The following SNX13 variants were observed in gnomAD, a reference collection of about 807,000 sequenced individuals.
SNX13 encodes the protein sorting nexin-13.
Under a neutral mutation model 133.6 loss-of-function variants are expected in SNX13, and 45 were observed. That is an observed-to-expected ratio of 0.34 (90% CI 0.27 to 0.43). The LOEUF is 0.43. Ranked by LOEUF, SNX13 falls within the 20% of genes least tolerant of loss-of-function variation. SNX13 has a pLI of 1.00. For synonymous variants in SNX13, 414 were observed against 373.9 expected, an observed-to-expected ratio of 1.11 and a Z score of -1.24; for missense variants, 1,032 against 1,145.1, an observed-to-expected ratio of 0.90 and a Z score of 1.43.
intron 2 of SNX13, among the ~76,000 whole-genome samples, chr7:17,897,094 A>C (rs1211465495): frequency 6.6e-6 from 1 of 152,128 alleles, no homozygotes; most frequent in African/African-American, 2.4e-5. Flanking sequence ...TATCACCAAA[A>C]AAAGTTCATA....
In SNX13 at chr7:17,821,650, TGCCACA is replaced by T. The variant is rs1787293489; in HGVS notation, c.1706-8_1706-3del. The T allele has an allele frequency of 6.2e-7, 1 of 1,613,024 alleles. No individual in the cohort carries two copies. Among genetic ancestry groups the T allele is most frequent in the Admixed American group, 1.7e-5 (1 of 59,948 alleles). On this transcript the variant is annotated splice_polypyrimidine_tract_variant and splice_region_variant and intron_variant, in intron 17 of 25. Coordinates refer to ENST00000428135, the MANE Select transcript of SNX13 (RefSeq NM_015132.5). The stretch of plus-strand genomic sequence containing the variant: ...TCTTGCCATGATCATTACAAACGCC[TGCCACA>T]GCATATGGGTCATAGTCAGCATATA...
intron 1 of SNX13, among the ~76,000 whole-genome samples, chr7:17,918,653 T>C (rs979408330): frequency 6.6e-6 from 1 of 152,158 alleles, no homozygotes; most frequent in Admixed American, 6.5e-5. Flanking sequence ...TAATACACTG[T>C]TGGAAGTATA....
At position 17,882,888 on chromosome 7, in the gene SNX13, T is replaced by G. The variant is rs576290952; in HGVS notation, c.441-7098A>C. 156 of 1,267,574 alleles carry G rather than the reference T, an allele frequency of 1.2e-4. 1 individual carries two copies. In the African/African-American group the frequency reaches 2.3e-3, roughly 19 times the overall value. 78.5% of individuals were successfully genotyped at this position (1,267,574 alleles called of 1,614,324 possible). On this transcript the variant is annotated intron_variant, in intron 5 of 25. Coordinates refer to ENST00000428135, the MANE Select transcript of SNX13 (RefSeq NM_015132.5). ...AAAACAGGGTTCCAGGAAGCGGAGG[T>G]TGCAGTGAGCCGAGATTGCGCCATT...
intron 11 of SNX13, among the ~76,000 whole-genome samples, chr7:17,847,031 C>T (rs550280937): frequency 6.6e-6 from 1 of 152,168 alleles, no homozygotes; most frequent in East Asian, 1.9e-4. Context: ...GGCTTGCAAA[C>T]AAAATATCTA....
chr7:17,839,451 G>A (rs1378169111), intron 13 of SNX13, among the ~76,000 whole-genome samples: 2 of 151,686 alleles, frequency 1.3e-5, no homozygotes, highest in East Asian at 3.9e-4. Context: ...ATGTACATAT[G>A]TTTAATACAT....
chr7:17,827,035 C>G (rs1787986213), intron 16 of SNX13, among the ~76,000 whole-genome samples: 1 of 152,066 alleles, frequency 6.6e-6, no homozygotes, highest in South Asian at 2.1e-4. Context: ...TGCTGAACAC[C>G]TACTTTCCTT....
intron 12 of SNX13, among the ~76,000 whole-genome samples, chr7:17,842,979 CA>C: frequency 6.6e-6 from 1 of 151,624 alleles, no homozygotes; most frequent in Middle Eastern, 3.4e-3. Context: ...CATGTCACTA[CA>C]AAAAAATCAA....
At chr7:17,899,978 T>C (rs1320018053) in intron 1 of SNX13, 2 of 152,218 alleles carry the variant, frequency 1.3e-5, no homozygotes, top group Non-Finnish European at 2.9e-5. Context: ...CAAAGGAACT[T>C]GGGTGTTGTG....
At chr7:17,821,710 A>G in intron 17 of SNX13, 62 bp from the exon 18 acceptor site, 1 of 1,523,902 alleles carries the variant, frequency 6.6e-7, no homozygotes, top group Non-Finnish European at 8.9e-7. Context: ...ATGAAGAGGA[A>G]CGAAAGACAC....
At position 17,821,642 on chromosome 7, in the gene SNX13, C is replaced by T; in HGVS notation, c.1712G>A (p.Cys571Tyr). 6.2e-7 allele frequency: 1 copy of T among 1,613,206 alleles called. No homozygotes were observed. The highest frequency in any genetic ancestry group is 8.5e-7 in the Non-Finnish European group (1 of 1,179,440). Reference sequence around the variant, plus strand: ...TGCATATGTCTTGCCATGATCATTACAAACGCCTGCCACAGCATATGGGTC... The same window carrying T: ...TGCATATGTCTTGCCATGATCATTATAAACGCCTGCCACAGCATATGGGTC... ...LHAYISDTGV[C>Y]NDHGKTYALY... Residue 571 changes from cysteine (C) to tyrosine (Y), a missense_variant, in exon 18 of 26, where the codon TGT becomes TAT. By Grantham distance (194) the Cys-to-Tyr change is radical. Coordinates refer to ENST00000428135, the MANE Select transcript of SNX13 (RefSeq NM_015132.5).
At chr7:17,819,503 A>G (rs1267219570) in intron 18 of SNX13, among the ~76,000 whole-genome samples, 1 of 152,186 alleles carries the variant, frequency 6.6e-6, no homozygotes, top group Admixed American at 6.5e-5. Context: ...CTGGAATTAC[A>G]GGCGTGAGGC....
In SNX13 at chr7:17,869,651, T is replaced by C. The variant is rs181300139; in HGVS notation, c.754-1161A>G. Among the ~76,000 whole-genome samples the C allele has an allele frequency of 8.9e-4, 136 of 152,286 alleles. 1 individual carries two copies. The highest frequency in any genetic ancestry group is 3.1e-3 in the African/African-American group (130 of 41,576). ...CTATTACCCCCATGATGAATCAGTA[T>C]TTCCAAAAAGCACTAATGGAGGCAC... is the stretch of plus-strand genomic sequence containing the variant. On this transcript the variant is annotated intron_variant, in intron 8 of 25. Coordinates refer to ENST00000428135, the MANE Select transcript of SNX13 (RefSeq NM_015132.5).
rs1783464772 is a variant in SNX13, at chr7:17,790,784, T to A, written c.*3261A>T. 6.6e-6 allele frequency: 1 copy of A among 152,096 alleles called. No individual in the cohort carries two copies. The highest frequency in any genetic ancestry group is 2.1e-4 in the South Asian group (1 of 4,828). 9.4% of individuals were successfully genotyped at this position (152,096 alleles called of 1,614,324 possible). On this transcript the variant is annotated 3_prime_UTR_variant, in exon 26 of 26. Transcript: ENST00000428135. ...AATGTTTGTTAATACTTTATTAGTA[T>A]TTTCTAATGGACAGAACACAAACCA...
At chr7:17,882,838 C>A (rs1018151825) in intron 5 of SNX13, 10 of 1,279,542 alleles carry the variant, frequency 7.8e-6, no homozygotes, top group Non-Finnish European at 1.0e-5. Flanking sequence ...CTAGGAGACA[C>A]AGTGAGACCA....
Position 17,803,543 on chromosome 7 carries a change from C to G in SNX13, c.2102G>C (p.Arg701Thr). Reference sequence around the variant, plus strand: ...GGATTTAACTGCATTTGAAACATTCCTCATTGAATTGCGAAGTGGATTTAC... The same window carrying G: ...GGATTTAACTGCATTTGAAACATTCGTCATTGAATTGCGAAGTGGATTTAC... ...TFVNPLRNSM[R>T]NVSNAVKSLP... Residue 701 changes from arginine (R) to threonine (T), a missense_variant, in exon 21 of 26, where the codon AGG becomes ACG. Arg to Thr is a moderately conservative substitution (Grantham distance 71, BLOSUM62 -1). Transcript: ENST00000428135. 6.2e-7 allele frequency: 1 copy of G among 1,610,822 alleles called. No homozygotes were observed. The highest frequency in any genetic ancestry group is 1.1e-5 in the South Asian group (1 of 90,294).
intron 1 of SNX13, among the ~76,000 whole-genome samples, chr7:17,910,392 AT>A (rs1444770081): frequency 6.6e-6 from 1 of 152,208 alleles, no homozygotes; most frequent in African/African-American, 2.4e-5. Context: ...AAAACGACTA[AT>A]TTTTGGCTTT....
chr7:17,926,309 C>T (rs1000549492), intron 1 of SNX13, among the ~76,000 whole-genome samples: 1 of 151,618 alleles, frequency 6.6e-6, no homozygotes, highest in East Asian at 1.9e-4. Flanking sequence ...TTTTCCCCTA[C>T]AAAACACATC....
intron 1 of SNX13, among the ~76,000 whole-genome samples, chr7:17,937,609 A>G (rs1389560974): frequency 1.3e-5 from 2 of 151,948 alleles, no homozygotes; most frequent in Admixed American, 1.3e-4. Flanking sequence ...TTATGTATCT[A>G]TGTACTTAGT....
chr7:17,860,278 C>T (rs1792499476), intron 9 of SNX13, among the ~76,000 whole-genome samples: 1 of 152,030 alleles, frequency 6.6e-6, no homozygotes, highest in Non-Finnish European at 1.5e-5. Context: ...TACTGTTGGC[C>T]ATCTGTATAA....
Sources: allele counts gnomAD v4.1 joint callset (sites outside exome capture counted in the v4.1 genomes callset), GRCh38; gene constraint gnomAD v4.1.1; transcripts MANE v1.5; gene names NCBI Gene and HGNC (gene_info 2026-07-23, HGNC 2026-07-21).